The following GIGYF2 variants were observed in gnomAD, a reference collection of about 807,000 sequenced individuals.
GIGYF2 encodes GRB10-interacting GYF protein 2.
Under a neutral mutation model 208.1 loss-of-function variants are expected in GIGYF2, and 25 were observed. The ratio of observed to expected loss-of-function variants is 0.12; its 90% CI spans 0.09 to 0.17. The LOEUF (loss-of-function observed/expected upper bound fraction) is 0.17. Ranked by LOEUF, GIGYF2 falls within the 10% of genes least tolerant of loss-of-function variation. GIGYF2 has a pLI of 1.00. For synonymous variants in GIGYF2, 534 were observed against 543.8 expected, an observed-to-expected ratio of 0.98 and a Z score of 0.25; for missense variants, 1,302 against 1,579.4, an observed-to-expected ratio of 0.82 and a Z score of 2.98.
At chr2:232,733,859 A>G (rs1335463490) in intron 2 of GIGYF2, among the ~76,000 whole-genome samples, 2 of 152,200 alleles carry the variant, frequency 1.3e-5, no homozygotes, top group Admixed American at 6.5e-5. Context: ...AGAAGTGTCT[A>G]TACATGTTGG....
chr2:232,793,955 G>A (rs749947796), intron 12 of GIGYF2, among the ~76,000 whole-genome samples: 7 of 152,188 alleles, frequency 4.6e-5, no homozygotes, highest in Admixed American at 1.3e-4. Flanking sequence ...TACTGGAAAG[G>A]TGAGAGTAGA....
chr2:232,801,837 A>T (rs1232791563), intron 14 of GIGYF2, among the ~76,000 whole-genome samples: 3 of 152,132 alleles, frequency 2.0e-5, no homozygotes, highest in African/African-American at 7.2e-5. Context: ...TTTAATAGGG[A>T]TTATCTTTAA....
chr2:232,847,529 G>A lies in GIGYF2; in HGVS notation c.3642G>A (p.Gln1214=), dbSNP rs759722891. 10 of 1,607,012 alleles carry A rather than the reference G, an allele frequency of 6.2e-6. No homozygotes were observed. The highest frequency in any genetic ancestry group is 1.1e-5 in the South Asian group (1 of 90,844). The change falls in exon 27 of 29, where the codon CAG becomes CAA. Residue 1214 remains glutamine (Q), a synonymous_variant. Coordinates refer to ENST00000373563, the MANE Select transcript of GIGYF2 (RefSeq NM_001103146.3). The part of the protein sequence containing the change: ...RQQQQLPQQQ[Q]QQPPQQPPQQ... ...AGCAGCAGCTGCCACAGCAGCAGCAGCAGCAGCCGCCACAGCAGCCGCCAC... is the reference window on the plus strand; with the variant it reads ...AGCAGCAGCTGCCACAGCAGCAGCAACAGCAGCCGCCACAGCAGCCGCCAC...
chr2:232,836,312 ATATATATATATATATATAC>A (rs1701616167), intron 22 of GIGYF2, among the ~76,000 whole-genome samples: 3 of 23,370 alleles, frequency 1.3e-4, no homozygotes, highest in African/African-American at 4.3e-4. Context: ...ATATATATAT[ATATATATATATATATATAC>A]ATATATATAC....
chr2:232,705,897 G>C (rs1696089051), intron 2 of GIGYF2: 1 of 151,782 alleles, frequency 6.6e-6, no homozygotes, highest in Non-Finnish European at 1.5e-5. Flanking sequence ...TAGAGACAGG[G>C]TTTCACCATG....
At position 232,852,134 on chromosome 2, in the gene GIGYF2, A is replaced by G. The variant is rs150905396; in HGVS notation, c.3832+1725A>G. Among the ~76,000 whole-genome samples, 108 of 152,298 alleles carry G rather than the reference A, an allele frequency of 7.1e-4. 1 individual carries two copies. Among genetic ancestry groups the G allele is most frequent in the African/African-American group, 2.5e-3 (103 of 41,548 alleles). ...GAAGAGCGTGAGACCCCGCACAGTG[A>G]GAGGCAGGTGGTAACCTTACTGTAC... On this transcript the variant is annotated intron_variant, in intron 28 of 28. Coordinates refer to ENST00000373563, the MANE Select transcript of GIGYF2 (RefSeq NM_001103146.3).
At chr2:232,785,352 C>G (rs970507499) in intron 8 of GIGYF2, among the ~76,000 whole-genome samples, 1 of 152,134 alleles carries the variant, frequency 6.6e-6, no homozygotes, top group Non-Finnish European at 1.5e-5. Flanking sequence ...TAAGGCTGCA[C>G]TCAAGGTGTC....
chr2:232,759,021 G>A (rs375505407), intron 6 of GIGYF2, among the ~76,000 whole-genome samples: 26 of 152,250 alleles, frequency 1.7e-4, no homozygotes, highest in African/African-American at 5.8e-4. Flanking sequence ...TCTCACTTCC[G>A]TTTGACAAAT....
At chr2:232,843,185 A>AT (rs1475317642) in intron 23 of GIGYF2, 10 of 91,550 alleles carry the variant, frequency 1.1e-4, no homozygotes, top group Non-Finnish European at 1.6e-4. Context: ...GTGTGTGTAT[A>AT]ATCTGTCATT....
intron 22 of GIGYF2, among the ~76,000 whole-genome samples, chr2:232,838,287 T>C (rs1168554699): frequency 6.6e-6 from 1 of 150,542 alleles, no homozygotes; most frequent in Admixed American, 6.6e-5. Context: ...TGTGCATGTG[T>C]ATATATATAT....
intron 14 of GIGYF2, among the ~76,000 whole-genome samples, chr2:232,804,540 G>A (rs1353665906): frequency 1.3e-5 from 2 of 152,000 alleles, no homozygotes; most frequent in Non-Finnish European, 2.9e-5. Context: ...CACCCAGGCT[G>A]GAGTGCAGTG....
At position 232,777,548 on chromosome 2, in the gene GIGYF2, T is replaced by G. The variant is rs1332812920; in HGVS notation, c.533-9602T>G. On this transcript the variant is annotated intron_variant, in intron 8 of 28. Transcript: ENST00000373563. ...AATCTTGGAAGGCCTGCTGGGAAAA[T>G]TATTAATGTAGACCAATATAATGCT... Among the ~76,000 whole-genome samples, 4 of 152,154 alleles carry G rather than the reference T, an allele frequency of 2.6e-5. No homozygotes were observed. The East Asian group carries it at 5.8e-4, about 22-fold the overall frequency.
intron 15 of GIGYF2, among the ~76,000 whole-genome samples, chr2:232,809,304 T>A (rs984584149): frequency 3.3e-5 from 5 of 152,194 alleles, no homozygotes; most frequent in Non-Finnish European, 5.9e-5. Flanking sequence ...TTATATACCA[T>A]TATAAAATTC....
At chr2:232,855,966 T>C (rs542515312) in intron 28 of GIGYF2, among the ~76,000 whole-genome samples, 249 of 152,076 alleles carry the variant, frequency 1.6e-3, no homozygotes, top group African/African-American at 5.8e-3. Flanking sequence ...AGTCTCGCTC[T>C]GTCACCCAGG....
At chr2:232,799,754 A>G (rs899571668) in intron 14 of GIGYF2, among the ~76,000 whole-genome samples, 1 of 152,082 alleles carries the variant, frequency 6.6e-6, no homozygotes, top group Non-Finnish European at 1.5e-5. Flanking sequence ...CATTCTCAAA[A>G]ACAGTCCACA....
chr2:232,752,024 G>T (rs1316763698), intron 5 of GIGYF2, among the ~76,000 whole-genome samples: 2 of 152,164 alleles, frequency 1.3e-5, no homozygotes, highest in African/African-American at 4.8e-5. Flanking sequence ...TGTATTCTGT[G>T]ATCACAGCGT....
rs1019900301 is a variant in GIGYF2, at chr2:232,850,182, G to C, written c.3685-80G>C. On this transcript the variant is annotated intron_variant, in intron 27 of 28. Coordinates refer to ENST00000373563, the MANE Select transcript of GIGYF2 (RefSeq NM_001103146.3). ...CTTTTAAGCTCATTCTTGATAAGGT[G>C]AGGACAAACCAAACATTTTCCTAGG... 3 of 1,156,748 alleles carry C rather than the reference G, an allele frequency of 2.6e-6. No homozygotes were observed. In the East Asian group the frequency reaches 7.0e-5, roughly 27 times the overall value. The allele number at this position is 1,156,748 out of a possible 1,614,324, so 71.7% of individuals were successfully genotyped here.
intron 1 of GIGYF2, among the ~76,000 whole-genome samples, chr2:232,698,645 T>C (rs1363930095): frequency 6.6e-6 from 1 of 152,248 alleles, no homozygotes; most frequent in Non-Finnish European, 1.5e-5. Context: ...CAGTTTCTGA[T>C]GTGCTCAAAC....
At position 232,843,518 on chromosome 2, in the gene GIGYF2, G is replaced by A. The variant is rs898081679; in HGVS notation, c.2890-528G>A. Among the ~76,000 whole-genome samples, 12 of 148,942 alleles carry A rather than the reference G, an allele frequency of 8.1e-5. No homozygotes were observed. In the East Asian group the frequency reaches 1.6e-3, roughly 20 times the overall value. ...GCGGAGGTTGCAGTGAGCTGAGATC[G>A]TGCCATTGCACTCCAGTCTGGGCGA... On this transcript the variant is annotated intron_variant, in intron 23 of 28. Transcript: ENST00000373563.
Sources: gnomAD v4.1 joint callset for allele counts (sites outside exome capture counted in the v4.1 genomes callset) on GRCh38, gnomAD v4.1.1 for gene constraint, MANE v1.5 for transcripts, NCBI Gene and HGNC (gene_info 2026-07-23, HGNC 2026-07-21) for gene names.